The following SLC34A2 variants were observed in gnomAD, a reference collection of about 807,000 sequenced individuals.
SLC34A2 encodes sodium-dependent phosphate transport protein 2B.
SLC34A2 carries 41 observed loss-of-function variants against 50.8 expected under a neutral mutation model. The observed-to-expected ratio is 0.81, with a 90% CI of 0.63 to 1.05. The LOEUF (loss-of-function observed/expected upper bound fraction) is 1.05, where lower values mean the gene tolerates loss of function less well. SLC34A2 is among the 50% of genes least tolerant of loss of function. The pLI, the probability that SLC34A2 is intolerant of heterozygous loss-of-function variation, is 0.00. For synonymous variants in SLC34A2, 401 were observed against 364.2 expected (o/e 1.10, Z -1.15); for missense variants, 879 against 876.7 (o/e 1.00, Z -0.03).
At chr4:25,668,041 C>T (rs371797985) in intron 6 of SLC34A2, 50 bp downstream of exon 6, 2 of 1,204,488 alleles carry the variant, frequency 1.7e-6, no homozygotes, top group African/African-American at 1.5e-5. Flanking sequence ...TTGTTCTTGG[C>T]CACGCTGTTG....
At position 25,673,214 on chromosome 4, in the gene SLC34A2, G is replaced by A. The variant is rs1451015654; in HGVS notation, c.1176G>A (p.Lys392=). 1.2e-6 allele frequency: 2 copies of A among 1,613,938 alleles called. No individual in the cohort carries two copies. The highest frequency in any genetic ancestry group is 1.7e-6 in the Non-Finnish European group (2 of 1,180,048). ...TCAAGATCCTGGGCTCTGTGCTCAA[G>A]GGGCAGGTCGCCACTGTCATCAAGA... ...MIVKILGSVL[K]GQVATVIKKT... Residue 392 remains lysine (K), a synonymous_variant, in exon 10 of 13, where the codon AAG becomes AAA. Coordinates refer to ENST00000382051, the MANE Select transcript of SLC34A2 (RefSeq NM_006424.3).
Position 25,676,958 on chromosome 4 carries a change from CT to C in SLC34A2, c.*213del. Reference sequence around the variant, plus strand: ...TTCCAACCCCTGGTCACTCAGTAATCTTTTACTCCAGGAAGGCACAGGATGG... The same window carrying C: ...TTCCAACCCCTGGTCACTCAGTAATCTTTACTCCAGGAAGGCACAGGATGG... On this transcript the variant is annotated 3_prime_UTR_variant, in exon 13 of 13. Transcript: ENST00000382051. 2 of 630,874 alleles carry C rather than the reference CT, an allele frequency of 3.2e-6. No individual in the cohort carries two copies. The highest frequency in any genetic ancestry group is 2.8e-5 in the East Asian group (1 of 35,600). The allele number at this position is 630,874 out of a possible 1,614,324, so 39.1% of individuals were successfully genotyped here. A position where few individuals can be genotyped will look rare whatever the true frequency, so the allele number is the denominator to read the frequency against.
Position 25,662,600 on chromosome 4 carries a change from G to A in SLC34A2, c.100G>A (p.Glu34Lys), listed in dbSNP as rs1362685495. 14 of 1,614,014 alleles carry A rather than the reference G, an allele frequency of 8.7e-6. No homozygotes were observed. The Admixed American group carries it at 2.3e-4, about 27-fold the overall frequency. Reference protein sequence around the residue: ...QQPTAPDKSKETNKTDNTEAP... With the variant: ...QQPTAPDKSKKTNKTDNTEAP... Reference sequence around the variant, plus strand: ...GCCCACTGCCCCTGATAAAAGCAAAGAGACCAACAAAAGTAAGTGTCGCTC... The same window carrying A: ...GCCCACTGCCCCTGATAAAAGCAAAAAGACCAACAAAAGTAAGTGTCGCTC... Residue 34 changes from glutamate to lysine, a missense_variant, in exon 2 of 13, where the codon GAG becomes AAG. By Grantham distance (56) the Glu-to-Lys change is moderately conservative (BLOSUM62 1). Coordinates refer to ENST00000382051, the MANE Select transcript of SLC34A2 (RefSeq NM_006424.3).
chr4:25,660,478 T>TAGCATA lies in SLC34A2; in HGVS notation c.-3-2018_-3-2013dup, dbSNP rs541681818. On this transcript the variant is annotated intron_variant, in intron 1 of 12. Coordinates refer to ENST00000382051, the MANE Select transcript of SLC34A2 (RefSeq NM_006424.3). Reference sequence around the variant, plus strand: ...TCAACTCATAACATCTTCTCCAGCATAGCATAATGAACTTAAATTCTTTTT... The same window carrying TAGCATA: ...TCAACTCATAACATCTTCTCCAGCATAGCATAAGCATAATGAACTTAAATTCTTTTT... Among the ~76,000 whole-genome samples the TAGCATA allele has an allele frequency of 1.8e-4, 27 of 152,378 alleles. No homozygotes were observed. In the South Asian group the frequency reaches 5.2e-3, roughly 29 times the overall value.
At chr4:25,673,710 T>C (rs1714947593) in intron 10 of SLC34A2, among the ~76,000 whole-genome samples, 1 of 152,138 alleles carries the variant, frequency 6.6e-6, no homozygotes, top group African/African-American at 2.4e-5. Context: ...AAGTAGGGTG[T>C]CCTGGCCAAT....
In SLC34A2 at chr4:25,662,825, C is replaced by T. The variant is rs1220925598; in HGVS notation, c.233C>T (p.Ser78Leu). The T allele has an allele frequency of 3.5e-5, 56 of 1,613,878 alleles. No homozygotes were observed. The highest frequency in any genetic ancestry group is 1.6e-4 in the East Asian group (7 of 44,872). Residue 78 changes from serine to leucine, a missense_variant, in exon 3 of 13, where the codon TCG becomes TTG. By Grantham distance (145) the Ser-to-Leu change is moderately radical (BLOSUM62 -2). Transcript: ENST00000382051. ...TGGAACCTACCCACTCTTCAGGACT[C>T]GGGGATCAAGTGGTCAGGTAAAAGT... Reference protein sequence around the residue: ...DPWNLPTLQDSGIKWSERDTK... With the variant: ...DPWNLPTLQDLGIKWSERDTK...
chr4:25,674,980 A>G (rs535458259), intron 12 of SLC34A2, among the ~76,000 whole-genome samples: 1 of 152,276 alleles, frequency 6.6e-6, no homozygotes, highest in East Asian at 1.9e-4. Context: ...CTTGGCATGG[A>G]CCATCTATGT....
intron 1 of SLC34A2, among the ~76,000 whole-genome samples, chr4:25,660,136 C>T (rs79895353): frequency 6.6e-6 from 1 of 152,202 alleles, no homozygotes; most frequent in African/African-American, 2.4e-5. Flanking sequence ...ACATCACATT[C>T]ATTCTATCAT....
chr4:25,676,031 CTG>C (rs1715089090), intron 12 of SLC34A2, 102 bp from the exon 13 acceptor site: 4 of 1,543,174 alleles, frequency 2.6e-6, no homozygotes, highest in Admixed American at 1.9e-5. Context: ...AGGCCCGAGA[CTG>C]TGCTGCCTGT....
Position 25,676,290 on chromosome 4 carries a change from C to T in SLC34A2, c.1614C>T (p.Phe538=), listed in dbSNP as rs1486266522. The change falls in exon 13 of 13, where the codon TTC becomes TTT. Residue 538 remains phenylalanine (F), a synonymous_variant. Coordinates refer to ENST00000382051, the MANE Select transcript of SLC34A2 (RefSeq NM_006424.3). ...TCTTCTACCTGATCATCTTCTTCTT[C>T]CTGATCCCGCTGACGGTGTTTGGCC... The part of the protein sequence containing the change: ...FAVFYLIIFF[F]LIPLTVFGLS... 6.2e-7 allele frequency: 1 copy of T among 1,614,182 alleles called. No homozygotes were observed. The highest frequency in any genetic ancestry group is 8.5e-7 in the Non-Finnish European group (1 of 1,180,042).
chr4:25,660,447 C>T (rs1057349689), intron 1 of SLC34A2, among the ~76,000 whole-genome samples: 4 of 152,204 alleles, frequency 2.6e-5, no homozygotes, highest in African/African-American at 9.7e-5. Context: ...GAGCTTCTAG[C>T]AGTGTTCAAC....
At position 25,676,224 on chromosome 4, in the gene SLC34A2, G is replaced by A; in HGVS notation, c.1548G>A (p.Lys516=). Residue 516 remains lysine (K), a synonymous_variant, in exon 13 of 13, where the codon AAG becomes AAA. Transcript: ENST00000382051. ...CTCGCCTGCCCATCCGCATGGCCAA[G>A]GGGCTGGGCAACATCTCTGCCAAGT... is the stretch of plus-strand genomic sequence containing the variant. ...PFTRLPIRMA[K]GLGNISAKYR... 1 of 1,614,186 alleles carries A rather than the reference G, an allele frequency of 6.2e-7. No individual in the cohort carries two copies. Among genetic ancestry groups the A allele is most frequent in the Non-Finnish European group, 8.5e-7 (1 of 1,180,038 alleles).
At chr4:25,657,465 C>A (rs186298359) in intron 1 of SLC34A2, among the ~76,000 whole-genome samples, 1 of 151,958 alleles carries the variant, frequency 6.6e-6, no homozygotes, top group Non-Finnish European at 1.5e-5. Flanking sequence ...AAAAAGATTG[C>A]GGTATTTTTA....
At chr4:25,666,696 A>G (rs958341796) in intron 5 of SLC34A2, among the ~76,000 whole-genome samples, 1 of 152,190 alleles carries the variant, frequency 6.6e-6, no homozygotes, top group South Asian at 2.1e-4. Context: ...GACATAGAAC[A>G]TTTCCTTCAC....
chr4:25,662,404 G>A lies in SLC34A2; in HGVS notation c.-3-94G>A, dbSNP rs1487641770. On this transcript the variant is annotated intron_variant, in intron 1 of 12. Transcript: ENST00000382051. ...CGCCTCCGGCCGAAACCCCCACCCA[G>A]TTGATGCTTTGCAACCAATGGTTCT... 6.9e-6 allele frequency: 8 copies of A among 1,153,388 alleles called. No individual in the cohort carries two copies. In the South Asian group the frequency reaches 9.0e-5, roughly 13 times the overall value. The allele number at this position is 1,153,388 out of a possible 1,614,324, so 71.4% of individuals were successfully genotyped here.
chr4:25,659,319 CCT>C (rs558571132), intron 1 of SLC34A2, among the ~76,000 whole-genome samples: 2 of 152,130 alleles, frequency 1.3e-5, no homozygotes, highest in Non-Finnish European at 2.9e-5. Flanking sequence ...ATAGGACACT[CCT>C]CTGCCACAAA....
chr4:25,662,954 G>GAA, intron 3 of SLC34A2, 112 bp downstream of exon 3: 2 of 1,288,808 alleles, frequency 1.6e-6, no homozygotes, highest in Non-Finnish European at 2.1e-6. Context: ...TGAAGCAAGG[G>GAA]TCCTGGCTAG....
Position 25,676,495 on chromosome 4 carries a change from G to A in SLC34A2, c.1819G>A (p.Val607Ile), listed in dbSNP as rs199853390. Residue 607 changes from valine (V) to isoleucine (I), a missense_variant, in exon 13 of 13, where the codon GTC (valine) becomes ATC (isoleucine). Coordinates refer to ENST00000382051, the MANE Select transcript of SLC34A2 (RefSeq NM_006424.3). The part of the protein sequence containing the change: ...MRSLKPWDAV[V>I]SKFTGCFQMR... ...CTCGCTGAAGCCCTGGGATGCCGTCGTCTCCAAGTTCACCGGCTGCTTCCA... is the reference window on the plus strand; with the variant it reads ...CTCGCTGAAGCCCTGGGATGCCGTCATCTCCAAGTTCACCGGCTGCTTCCA... 1 of 1,614,128 alleles carries A rather than the reference G, an allele frequency of 6.2e-7. No homozygotes were observed. The highest frequency in any genetic ancestry group is 8.5e-7 in the Non-Finnish European group (1 of 1,180,036).
chr4:25,662,960 G>C, intron 3 of SLC34A2, 118 bp downstream of exon 3: 3 of 1,211,848 alleles, frequency 2.5e-6, no homozygotes, highest in Non-Finnish European at 3.4e-6. Context: ...AAGGGTCCTG[G>C]CTAGGGATGT....
Sources: allele counts gnomAD v4.1 joint callset (sites outside exome capture counted in the v4.1 genomes callset), GRCh38; gene constraint gnomAD v4.1.1; transcripts MANE v1.5; gene names NCBI Gene and HGNC (gene_info 2026-07-23, HGNC 2026-07-21).